USP31: variants seen among roughly 807,000 people sequenced by gnomAD.
The protein encoded by USP31 is ubiquitin carboxyl-terminal hydrolase 31.
Under a neutral mutation model 119.4 loss-of-function variants are expected in USP31, and 44 were observed. The observed-to-expected ratio is 0.37, with a 90% CI of 0.29 to 0.47. The LOEUF (loss-of-function observed/expected upper bound fraction) is 0.47, where lower values mean the gene tolerates loss of function less well. USP31 is among the 20% of genes least tolerant of loss of function. USP31 has a pLI of 0.99. For missense variants in USP31, 1,643 were observed against 1,730.2 expected, an observed-to-expected ratio of 0.95 and a Z score of 0.89; for synonymous variants, 749 against 705.6, an observed-to-expected ratio of 1.06 and a Z score of -0.97.
chr16:23,120,330 G>T (rs1902625151), intron 1 of USP31, among the ~76,000 whole-genome samples: 1 of 152,104 alleles, frequency 6.6e-6, no homozygotes. Flanking sequence ...CATTACAAAT[G>T]GTTGAGGGTT....
In USP31 at chr16:23,148,736, C is replaced by T. The variant is rs139702277; in HGVS notation, c.535G>A (p.Gly179Ser). 15,549 of 1,485,896 alleles carry T rather than the reference C, an allele frequency of 0.01. 126 individuals are homozygous for T. The highest frequency in any genetic ancestry group is 0.016 in the South Asian group (1,185 of 75,768). 92.0% of individuals were successfully genotyped at this position (1,485,896 alleles called of 1,614,324 possible). Residue 179 changes from glycine to serine, a missense_variant, in exon 1 of 16, where the codon GGC becomes AGC. Transcript: ENST00000219689. Reference protein sequence around the residue: ...SPDPEQPAGRGAQGQGEVTEQ... With the variant: ...SPDPEQPAGRSAQGQGEVTEQ... ...GTGACCTCGCCCTGGCCCTGCGCGC[C>T]GCGGCCCGCAGGCTGCTCCGGGTCA...
rs1183485012 is a variant in USP31 at position 23,062,250 on chromosome 16, C to T, written c.*5796G>A. On this transcript the variant is annotated 3_prime_UTR_variant, in exon 16 of 16. Coordinates refer to ENST00000219689, the MANE Select transcript of USP31 (RefSeq NM_020718.4). ...GCATTCAGCTCACCACAGATTAAAACTAAATTTTATTTGCCTCCACAGTTA... is the reference window on the plus strand; with the variant it reads ...GCATTCAGCTCACCACAGATTAAAATTAAATTTTATTTGCCTCCACAGTTA... The T allele has an allele frequency of 6.6e-6, 1 of 152,340 alleles. No homozygotes were observed. The highest frequency in any genetic ancestry group is 1.5e-5 in the Non-Finnish European group (1 of 68,012). 9.4% of individuals were successfully genotyped at this position (152,340 alleles called of 1,614,324 possible). A position where few individuals can be genotyped will look rare whatever the true frequency, so the allele number is the denominator to read the frequency against.
At chr16:23,138,163 T>C (rs1903249409) in intron 1 of USP31, among the ~76,000 whole-genome samples, 1 of 152,228 alleles carries the variant, frequency 6.6e-6, no homozygotes, top group Admixed American at 6.5e-5. Context: ...GATTTAGTGC[T>C]AGTTTACATC....
At position 23,141,911 on chromosome 16, in the gene USP31, A is replaced by G. The variant is rs115283457; in HGVS notation, c.633+6727T>C. ...TGACAACAAATAAAAGGATGAATAAATGAAATCTTTCTACTTACACTTTCA... is the reference window on the plus strand; with the variant it reads ...TGACAACAAATAAAAGGATGAATAAGTGAAATCTTTCTACTTACACTTTCA... On this transcript the variant is annotated intron_variant, in intron 1 of 15. Transcript: ENST00000219689. Among the ~76,000 whole-genome samples, 609 of 152,332 alleles carry G rather than the reference A, an allele frequency of 4.0e-3. 7 individuals are homozygous for G. The highest frequency in any genetic ancestry group is 0.013 in the African/African-American group (553 of 41,572).
chr16:23,074,037 C>T, intron 13 of USP31, 157 bp from the exon 14 acceptor site: 1 of 939,752 alleles, frequency 1.1e-6, no homozygotes. Flanking sequence ...ATTCTAAATT[C>T]TGTATCACAC....
Position 23,068,074 on chromosome 16 carries a change from G to A in USP31, c.4031C>T (p.Ser1344Phe). 4 of 1,613,954 alleles carry A rather than the reference G, an allele frequency of 2.5e-6. No individual in the cohort carries two copies. The highest frequency in any genetic ancestry group is 3.4e-6 in the Non-Finnish European group (4 of 1,179,912). Residue 1344 changes from serine to phenylalanine, a missense_variant, in exon 16 of 16, where the codon TCT becomes TTT. Ser to Phe is a radical substitution (Grantham distance 155, BLOSUM62 -2). Transcript: ENST00000219689. ...SKKLSSSMQT[S>F]ARPSQKPQ ...CTGAGGTTTTTGAGAAGGCCGTGCA[G>A]AGGTTTGCATGCTAGAAGATAACTT...
chr16:23,141,247 G>C (rs1333700427), intron 1 of USP31, among the ~76,000 whole-genome samples: 1 of 152,158 alleles, frequency 6.6e-6, no homozygotes, highest in Non-Finnish European at 1.5e-5. Flanking sequence ...CTGCAAACAA[G>C]ATCTGTCAGA....
intron 1 of USP31, among the ~76,000 whole-genome samples, chr16:23,110,234 TA>T (rs1902262669): frequency 6.6e-6 from 1 of 152,188 alleles, no homozygotes; most frequent in African/African-American, 2.4e-5. Flanking sequence ...AAACTTTCTA[TA>T]AATATAAATA....
At chr16:23,116,148 T>C (rs1207480716) in intron 1 of USP31, among the ~76,000 whole-genome samples, 1 of 152,206 alleles carries the variant, frequency 6.6e-6, no homozygotes, top group African/African-American at 2.4e-5. Flanking sequence ...CATTGCCCAC[T>C]TTCTTTGATT....
intron 1 of USP31, among the ~76,000 whole-genome samples, chr16:23,108,762 C>T (rs1006508619): frequency 3.3e-5 from 5 of 151,858 alleles, no homozygotes; most frequent in Admixed American, 3.3e-4. Flanking sequence ...GCTTTTTTTC[C>T]TTCTCACTTT....
At chr16:23,094,772 T>C (rs1901529096) in intron 6 of USP31, among the ~76,000 whole-genome samples, 2 of 152,044 alleles carry the variant, frequency 1.3e-5, no homozygotes, top group African/African-American at 4.8e-5. Flanking sequence ...ACCTGATCAT[T>C]AGAAGGAAAA....
chr16:23,062,458 A>G lies in USP31; in HGVS notation c.*5588T>C, dbSNP rs1390614970. 3 of 152,640 alleles carry G rather than the reference A, an allele frequency of 2.0e-5. No homozygotes were observed. Among genetic ancestry groups the G allele is most frequent in the East Asian group, 1.9e-4 (1 of 5,202 alleles). The allele number at this position is 152,640 out of a possible 1,614,324, so 9.5% of individuals were successfully genotyped here. The stretch of plus-strand genomic sequence containing the variant: ...AAGAATTCCTGAAACCACATTCTGG[A>G]TAAGAACTATCCTAGAGAATGAGCA... On this transcript the variant is annotated 3_prime_UTR_variant, in exon 16 of 16. Transcript: ENST00000219689.
chr16:23,127,537 A>G (rs1381457259), intron 1 of USP31, among the ~76,000 whole-genome samples: 1 of 151,978 alleles, frequency 6.6e-6, no homozygotes, highest in African/African-American at 2.4e-5. Context: ...ATCTCAGCTC[A>G]CTGCAACCTC....
In USP31 at chr16:23,068,727, G is replaced by A. The variant is rs1900203080; in HGVS notation, c.3378C>T (p.Ser1126=). ...CCGAGGCCTTTTTGGCAGATGTGGA[G>A]GAAGCAGTGTAGGTGAGGGCCGAGG... ...KSASALTYTA[S]STSAKKASGP... The change falls in exon 16 of 16, where the codon TCC becomes TCT. Residue 1126 remains serine, a synonymous_variant. Transcript: ENST00000219689. The A allele has an allele frequency of 6.2e-7, 1 of 1,611,746 alleles. No homozygotes were observed. Among genetic ancestry groups the A allele is most frequent in the Non-Finnish European group, 8.5e-7 (1 of 1,179,006 alleles).
Position 23,149,056 on chromosome 16 carries a change from A to G in USP31, c.215T>C (p.Leu72Pro), listed in dbSNP as rs1903630265. ...GSFMSRVLKT[L>P]STLSHLSSEG... is the part of the protein sequence containing the mutation. ...AGAGCTAAGGTGCGAGAGCGTGGAC[A>G]GCGTCTTGAGAACGCGGCTCATGAA... Residue 72 changes from leucine (L) to proline (P), a missense_variant, in exon 1 of 16, where the codon CTG (leucine) becomes CCG (proline). Around this residue, in one of 5 missense-constraint regions of USP31, gnomAD observed 302 missense variants for 262.6 expected, o/e 1.15. Transcript: ENST00000219689. 8.0e-7 allele frequency: 1 copy of G among 1,255,112 alleles called. No homozygotes were observed. Among genetic ancestry groups the G allele is most frequent in the Non-Finnish European group, 1.0e-6 (1 of 974,934 alleles). 77.7% of individuals were successfully genotyped at this position (1,255,112 alleles called of 1,614,324 possible). A position where few individuals can be genotyped will look rare whatever the true frequency, so the allele number is the denominator to read the frequency against.
chr16:23,081,533 G>A (rs577449594), intron 12 of USP31, among the ~76,000 whole-genome samples: 1 of 152,330 alleles, frequency 6.6e-6, no homozygotes, highest in Non-Finnish European at 1.5e-5. Context: ...GAAGGCAAGG[G>A]CCTCCTTCAG....
Position 23,087,185 on chromosome 16 carries a change from A to G in USP31, c.1529T>C (p.Val510Ala). 1 of 1,611,238 alleles carries G rather than the reference A, an allele frequency of 6.2e-7. No homozygotes were observed. ...GACCACACGCAAGCTGAATGGACAC[A>G]CCTGCATCAGATGTTAGATGAGAAT... Reference protein sequence around the residue: ...YFLRPTVCIQVCPFSLRVVSV... With the variant: ...YFLRPTVCIQACPFSLRVVSV... Residue 510 changes from valine to alanine, a missense_variant and splice_region_variant, in exon 9 of 16, where the codon GTG becomes GCG. This residue lies in a region of USP31 where 219 missense variants were observed against 226.4 expected (regional missense o/e 0.97). Transcript: ENST00000219689.
chr16:23,082,528 T>C lies in USP31; in HGVS notation c.1860A>G (p.Pro620=), dbSNP rs1900877561. The C allele has an allele frequency of 6.2e-7, 1 of 1,614,202 alleles. No homozygotes were observed. Among genetic ancestry groups the C allele is most frequent in the East Asian group, 2.2e-5 (1 of 44,884 alleles). Residue 620 remains proline (P), a synonymous_variant, in exon 12 of 16, where the codon CCA becomes CCG. Transcript: ENST00000219689. ...TTCCCTGCTGCAGCTGCTTACAGTG[T>C]GGGCAACGCCAGGCATCATCGGGGG... The part of the protein sequence containing the change: ...RLAPDDAWRC[P]HCKQLQQGSI...
At chr16:23,134,990 A>C (rs1165450068) in intron 1 of USP31, among the ~76,000 whole-genome samples, 1 of 152,038 alleles carries the variant, frequency 6.6e-6, no homozygotes, top group Non-Finnish European at 1.5e-5. Flanking sequence ...ATCATAACCA[A>C]ATGGGATTTA....
Sources: allele counts gnomAD v4.1 joint callset (sites outside exome capture counted in the v4.1 genomes callset), GRCh38; gene constraint gnomAD v4.1.1; regional missense constraint gnomAD v4.1.1; transcripts MANE v1.5; gene names NCBI Gene and HGNC (gene_info 2026-07-23, HGNC 2026-07-21).